LYRM4: variants seen among roughly 807,000 people sequenced by gnomAD.
The protein encoded by LYRM4 is LYR motif-containing protein 4.
LYRM4 carries 9 observed loss-of-function variants against 11.7 expected under a neutral mutation model. The ratio of observed to expected loss-of-function variants is 0.77; its 90% confidence interval spans 0.46 to 1.34. LYRM4 has a LOEUF of 1.34. LYRM4 is among the 40% of genes most tolerant of loss of function. LYRM4 has a pLI of 0.00. For synonymous variants in LYRM4, 42 were observed against 40.4 expected, an observed-to-expected ratio of 1.04 and a Z score of -0.15; for missense variants, 133 against 112.5, an observed-to-expected ratio of 1.18 and a Z score of -0.82.
Position 5,199,568 on chromosome 6 carries a change from T to C in LYRM4, c.207+17050A>G, listed in dbSNP as rs939168513. ...CTGTTACACATGCTTTTGTGAAATC[T>C]ACACAATATTGCAGGGAAGAACAGT... is the stretch of plus-strand genomic sequence containing the variant. On this transcript the variant is annotated intron_variant, in intron 2 of 2. Transcript: ENST00000330636. 1.3e-5 allele frequency among the ~76,000 whole-genome samples: 2 copies of C among 152,226 alleles called. 1 individual carries two copies. The highest frequency in any genetic ancestry group is 4.1e-4 in the South Asian group (2 of 4,826).
At chr6:5,092,476 C>G in the LYRM4 span, among the ~76,000 whole-genome samples, 1 of 151,948 alleles carries the variant, frequency 6.6e-6, no homozygotes, top group African/African-American at 2.4e-5. Flanking sequence ...CTTTCGGAGG[C>G]TGAGGCAGGC....
At chr6:5,129,777 T>C (rs535398959) in intron 2 of LYRM4, among the ~76,000 whole-genome samples, 5 of 152,350 alleles carry the variant, frequency 3.3e-5, no homozygotes, top group South Asian at 2.1e-4. Context: ...AAAAATGTAA[T>C]GTATCTTACT....
At chr6:5,170,265 C>A (rs928141111) in intron 2 of LYRM4, among the ~76,000 whole-genome samples, 4 of 152,144 alleles carry the variant, frequency 2.6e-5, no homozygotes, top group Non-Finnish European at 5.9e-5. Flanking sequence ...GCATACTGAC[C>A]TATATACGAA....
chr6:5,054,001 A>C, the LYRM4 span: 1 of 326,350 alleles, frequency 3.1e-6, no homozygotes, highest in Non-Finnish European at 4.4e-6. Flanking sequence ...GCTCTTGCTG[A>C]CTCACCACCA....
At chr6:5,219,834 G>A (rs184135655) in intron 1 of LYRM4, among the ~76,000 whole-genome samples, 1 of 152,104 alleles carries the variant, frequency 6.6e-6, no homozygotes, top group African/African-American at 2.4e-5. Context: ...TGGCAGCTAG[G>A]TGCTACACAA....
At chr6:5,159,380 A>G (rs1258890757) in intron 2 of LYRM4, among the ~76,000 whole-genome samples, 1 of 152,172 alleles carries the variant, frequency 6.6e-6, no homozygotes, top group African/African-American at 2.4e-5. Flanking sequence ...TGTTTCAAAA[A>G]CCAGTGCAGC....
At chr6:5,162,986 T>C (rs550817107) in intron 2 of LYRM4, among the ~76,000 whole-genome samples, 2 of 152,358 alleles carry the variant, frequency 1.3e-5, no homozygotes, top group East Asian at 3.9e-4. Flanking sequence ...GGATTCTTTA[T>C]ATATTGTGGA....
the LYRM4 span, among the ~76,000 whole-genome samples, chr6:5,060,512 T>G: frequency 6.6e-6 from 1 of 152,014 alleles, no homozygotes; most frequent in Non-Finnish European, 1.5e-5. Flanking sequence ...GTATTTTTTT[T>G]TTTTTGAGAC....
At chr6:5,035,330 CA>C in the LYRM4 span, among the ~76,000 whole-genome samples, 1 of 151,840 alleles carries the variant, frequency 6.6e-6, no homozygotes, top group African/African-American at 2.4e-5. Context: ...TCTAGTCACC[CA>C]GATCCATCCT....
chr6:5,217,234 C>T (rs891064734), intron 1 of LYRM4, among the ~76,000 whole-genome samples: 11 of 152,210 alleles, frequency 7.2e-5, no homozygotes, highest in African/African-American at 2.7e-4. Flanking sequence ...CTTTCCAGTC[C>T]TTGTCCCATA....
intron 2 of LYRM4, among the ~76,000 whole-genome samples, chr6:5,124,675 C>G (rs1417132010): frequency 1.3e-5 from 2 of 152,212 alleles, no homozygotes; most frequent in African/African-American, 4.8e-5. Flanking sequence ...TTCATCCTGA[C>G]AGGGGCGGGC....
At chr6:5,110,404 T>C (rs528981887) in intron 2 of LYRM4, among the ~76,000 whole-genome samples, 1 of 148,088 alleles carries the variant, frequency 6.8e-6, no homozygotes, top group Middle Eastern at 3.4e-3. Flanking sequence ...ATCATGTCAT[T>C]ACTACAGCAT....
At chr6:5,066,086 G>T in the LYRM4 span, 1 of 423,260 alleles carries the variant, frequency 2.4e-6, no homozygotes, top group Non-Finnish European at 4.5e-6. Context: ...GGAGTCATTC[G>T]AGTAAGATAC....
chr6:5,097,879 C>A, the LYRM4 span, among the ~76,000 whole-genome samples: 2 of 152,202 alleles, frequency 1.3e-5, no homozygotes, highest in Non-Finnish European at 2.9e-5. Flanking sequence ...ACATACACTG[C>A]GTTTCCTTAC....
the LYRM4 span, among the ~76,000 whole-genome samples, chr6:5,041,821 AG>A: frequency 6.6e-6 from 1 of 152,250 alleles, no homozygotes; most frequent in African/African-American, 2.4e-5. Flanking sequence ...ATAAGAAGCA[AG>A]GAAAATTAGG....
At chr6:5,078,753 G>T in the LYRM4 span, among the ~76,000 whole-genome samples, 3 of 152,044 alleles carry the variant, frequency 2.0e-5, no homozygotes, top group Non-Finnish European at 4.4e-5. Context: ...GGGGCCTAAG[G>T]TGCTATAGAA....
At chr6:5,141,341 C>T (rs1161778491) in intron 2 of LYRM4, among the ~76,000 whole-genome samples, 1 of 152,198 alleles carries the variant, frequency 6.6e-6, no homozygotes, top group Non-Finnish European at 1.5e-5. Flanking sequence ...CTCGGCTTCT[C>T]TGCGCATCAG....
intron 1 of LYRM4, among the ~76,000 whole-genome samples, chr6:5,247,950 AAG>A (rs893427117): frequency 3.3e-5 from 5 of 152,206 alleles, no homozygotes; most frequent in African/African-American, 1.2e-4. Flanking sequence ...CTGGATGAAA[AAG>A]AGAGAAATAA....
At chr6:5,173,186 T>C (rs905912530) in intron 2 of LYRM4, among the ~76,000 whole-genome samples, 8 of 152,252 alleles carry the variant, frequency 5.3e-5, no homozygotes, top group African/African-American at 1.7e-4. Context: ...TGTCCTTCTT[T>C]CTTTCAATAT....
Sources: allele counts gnomAD v4.1 joint callset (sites outside exome capture counted in the v4.1 genomes callset), GRCh38; gene constraint gnomAD v4.1.1; transcripts MANE v1.5; gene names NCBI Gene and HGNC (gene_info 2026-07-23, HGNC 2026-07-21).